PDGFRA: variants seen among roughly 807,000 people sequenced by gnomAD.
PDGFRA encodes the protein platelet-derived growth factor receptor alpha.
A neutral mutation model predicts 121.5 loss-of-function variants in PDGFRA; 25 were observed. That is an observed-to-expected ratio of 0.21 (90% CI 0.15 to 0.29). The LOEUF is 0.29. Ranked by LOEUF, PDGFRA falls within the 10% of genes least tolerant of loss-of-function variation. The pLI, the probability that PDGFRA is intolerant of heterozygous loss-of-function variation, is 1.00. For missense variants in PDGFRA, 1,008 were observed against 1,345.1 expected (o/e 0.75, Z 3.92); for synonymous variants, 463 against 494.8 (o/e 0.94, Z 0.85).
intron 14 of PDGFRA, 31 bp from the exon 15 acceptor site, chr4:54,278,331 A>G (rs2110314333): frequency 6.3e-7 from 1 of 1,590,660 alleles, no homozygotes; most frequent in Non-Finnish European, 8.6e-7. Flanking sequence ...TCATTTTCAT[A>G]CCCATCTCCT....
chr4:54,233,042 G>T (rs1720779583), intron 1 of PDGFRA, among the ~76,000 whole-genome samples: 1 of 150,486 alleles, frequency 6.6e-6, no homozygotes, highest in South Asian at 2.1e-4. Flanking sequence ...CACCCGCCCG[G>T]ATTCTCTTCC....
intron 1 of PDGFRA, among the ~76,000 whole-genome samples, chr4:54,257,822 A>G (rs946974230): frequency 6.6e-6 from 1 of 152,142 alleles, no homozygotes; most frequent in African/African-American, 2.4e-5. Context: ...CCCCAGGGCA[A>G]CAGGAGCCCC....
chr4:54,235,329 G>A (rs1199775758), intron 1 of PDGFRA, among the ~76,000 whole-genome samples: 1 of 152,234 alleles, frequency 6.6e-6, no homozygotes, highest in Non-Finnish European at 1.5e-5. Context: ...TGCAATTGGT[G>A]ATTGAGAAGC....
chr4:54,262,915 C>T (rs1156849004), intron 3 of PDGFRA, among the ~76,000 whole-genome samples: 3 of 152,128 alleles, frequency 2.0e-5, no homozygotes, highest in African/African-American at 7.2e-5. Flanking sequence ...CCAAGTAGCC[C>T]CTGCATCGCT....
intron 1 of PDGFRA, among the ~76,000 whole-genome samples, chr4:54,249,592 A>T (rs1320427833): frequency 7.2e-6 from 1 of 139,054 alleles, no homozygotes; most frequent in Admixed American, 6.8e-5. Flanking sequence ...AATGAGAACA[A>T]CACGGACACA....
chr4:54,246,129 C>T (rs1219251785), intron 1 of PDGFRA, among the ~76,000 whole-genome samples: 2 of 152,174 alleles, frequency 1.3e-5, no homozygotes, highest in Non-Finnish European at 2.9e-5. Context: ...GAGACTTTAA[C>T]ACCCCACTGT....
intron 1 of PDGFRA, among the ~76,000 whole-genome samples, chr4:54,234,751 C>T (rs777899446): frequency 6.6e-6 from 1 of 152,046 alleles, no homozygotes; most frequent in Non-Finnish European, 1.5e-5. Context: ...AGACCTATGT[C>T]GGGGCCTTGG....
chr4:54,277,347 G>T (rs542263601), intron 12 of PDGFRA, 41 bp from the exon 13 acceptor site: 3 of 1,382,386 alleles, frequency 2.2e-6, no homozygotes, highest in Non-Finnish European at 3.1e-6. Flanking sequence ...CTGAGGAGGC[G>T]TCTGGAGTTT....
rs552791805 is a variant in PDGFRA, at chr4:54,233,109, C to G, written c.-13+3694C>G. On this transcript the variant is annotated intron_variant, in intron 1 of 22. Transcript: ENST00000257290. Reference sequence around the variant, plus strand: ...CCCCCTCTCGGGTCTCAGTTGAAAACAATGCAAACGCAGAGCGTCGTGCCT... The same window carrying G: ...CCCCCTCTCGGGTCTCAGTTGAAAAGAATGCAAACGCAGAGCGTCGTGCCT... Among the ~76,000 whole-genome samples the G allele has an allele frequency of 3.3e-5, 5 of 150,182 alleles. No individual in the cohort carries two copies. In the South Asian group the frequency reaches 8.7e-4, roughly 26 times the overall value.
rs28374326 is a variant in PDGFRA at position 54,277,154 on chromosome 4, C to T, written c.1787-234C>T. 72,194 of 555,688 alleles carry T rather than the reference C, an allele frequency of 0.13. 5,681 individuals are homozygous for T. The highest frequency in any genetic ancestry group is 0.23 in the Admixed American group (7,917 of 34,490). 34.4% of individuals were successfully genotyped at this position (555,688 alleles called of 1,614,324 possible). On this transcript the variant is annotated intron_variant, in intron 12 of 22. Transcript: ENST00000257290. Reference sequence around the variant, plus strand: ...CAGGGAGGGCTGCACCCTCCTTTCTCCCGTCTGTGTTTTCTTTCCCTTGCA... The same window carrying T: ...CAGGGAGGGCTGCACCCTCCTTTCTTCCGTCTGTGTTTTCTTTCCCTTGCA...
intron 1 of PDGFRA, among the ~76,000 whole-genome samples, chr4:54,231,954 G>A (rs1720699000): frequency 6.6e-6 from 1 of 152,246 alleles, no homozygotes; most frequent in Admixed American, 6.5e-5. Context: ...AACACGTCTG[G>A]CGCCGAGGCG....
chr4:54,250,210 C>T (rs1050488656), intron 1 of PDGFRA, among the ~76,000 whole-genome samples: 8 of 152,236 alleles, frequency 5.3e-5, no homozygotes, highest in African/African-American at 1.9e-4. Flanking sequence ...AAAGTTTTTA[C>T]CTTTTTGAAA....
rs1414200279 is a variant in PDGFRA, at chr4:54,261,929, A to ATTTT, written c.367+518_367+519insTTTT. 4.0e-3 allele frequency among the ~76,000 whole-genome samples: 243 copies of ATTTT among 60,452 alleles called. 1 individual carries two copies. The highest frequency in any genetic ancestry group is 0.014 in the African/African-American group (208 of 14,832). 39.7% of individuals were successfully genotyped at this position (60,452 alleles called of 152,430 possible). A position where few individuals can be genotyped will look rare whatever the true frequency, so the allele number is the denominator to read the frequency against. On this transcript the variant is annotated intron_variant, in intron 3 of 22. Transcript: ENST00000257290. ...TATATATATATATATATATATATAT[A>ATTTT]TATTTTTTTTTTTTTTGGTAACAGG... is the stretch of plus-strand genomic sequence containing the variant.
rs150102966 is a variant in PDGFRA at position 54,282,494 on chromosome 4, T to C, written c.2323+2012T>C. 8.8e-3 allele frequency among the ~76,000 whole-genome samples: 1,340 copies of C among 152,336 alleles called. 7 individuals are homozygous for C. The highest frequency in any genetic ancestry group is 0.014 in the Non-Finnish European group (958 of 68,034). On this transcript the variant is annotated intron_variant, in intron 16 of 22. Transcript: ENST00000257290. ...TATTGCGAGGACAGCACCAGAAGGA[T>C]GGTGCTAAATTGTTCGTAAGAAATC...
chr4:54,267,192 T>G, intron 5 of PDGFRA, 97 bp from the exon 6 acceptor site: 1 of 1,172,852 alleles, frequency 8.5e-7, no homozygotes, highest in Non-Finnish European at 1.3e-6. Context: ...GAACCTCCAT[T>G]GACACATCCA....
rs116074631 is a variant in PDGFRA at position 54,249,989 on chromosome 4, T to C, written c.-12-8768T>C. Among the ~76,000 whole-genome samples, 1,055 of 152,286 alleles carry C rather than the reference T, an allele frequency of 6.9e-3. 8 individuals carry two copies. The highest frequency in any genetic ancestry group is 0.024 in the African/African-American group (994 of 41,570). ...AACTGGTTAAGATTGGGAAGATTTG[T>C]CTATAAAGTTTTATTAAGAATTGGG... On this transcript the variant is annotated intron_variant, in intron 1 of 22. Coordinates refer to ENST00000257290, the MANE Select transcript of PDGFRA (RefSeq NM_006206.6).
chr4:54,295,800 G>T lies in PDGFRA; in HGVS notation c.*528G>T. 1 of 240,648 alleles carries T rather than the reference G, an allele frequency of 4.2e-6. No homozygotes were observed. The highest frequency in any genetic ancestry group is 6.0e-5 in the East Asian group (1 of 16,784). The allele number at this position is 240,648 out of a possible 1,614,324, so 14.9% of individuals were successfully genotyped here. On this transcript the variant is annotated 3_prime_UTR_variant, in exon 23 of 23. Coordinates refer to ENST00000257290, the MANE Select transcript of PDGFRA (RefSeq NM_006206.6). ...CCATTTTTGAACCTTAAAAGGTACT[G>T]GTACTATAGCATTTTGCTATCTTTT...
At chr4:54,286,049 C>T (rs1577742661) in intron 18 of PDGFRA, 86 bp downstream of exon 18, 1 of 1,400,572 alleles carries the variant, frequency 7.1e-7, no homozygotes, top group Non-Finnish European at 1.0e-6. Context: ...AGATTCGGTG[C>T]CTGTTTTTTA....
chr4:54,244,217 T>A (rs987207074), intron 1 of PDGFRA, among the ~76,000 whole-genome samples: 1 of 152,190 alleles, frequency 6.6e-6, no homozygotes, highest in Admixed American at 6.5e-5. Flanking sequence ...AGAGCAGTGA[T>A]TCTCCCAGCA....
Sources: allele counts gnomAD v4.1 joint callset (sites outside exome capture counted in the v4.1 genomes callset), GRCh38; gene constraint gnomAD v4.1.1; transcripts MANE v1.5; gene names NCBI Gene and HGNC (gene_info 2026-07-23, HGNC 2026-07-21).